SLC35A3: variants seen among roughly 807,000 people sequenced by gnomAD.
SLC35A3 encodes the protein UDP-N-acetylglucosamine transporter.
A neutral mutation model predicts 39.0 loss-of-function variants in SLC35A3; 26 were observed. That is an observed-to-expected ratio of 0.67 (90% CI 0.49 to 0.92). SLC35A3 has a LOEUF of 0.92. SLC35A3 is among the 40% of genes least tolerant of loss of function. SLC35A3 has a pLI of 0.00. For missense variants in SLC35A3, 299 were observed against 371.6 expected (o/e 0.80, Z 1.61); for synonymous variants, 135 against 133.1 (o/e 1.01, Z -0.10).
chr1:99,970,501 C>A, intron 1 of SLC35A3: 1 of 1,490,628 alleles, frequency 6.7e-7, no homozygotes, highest in Admixed American at 2.0e-5. Context: ...ACGGGTGGGC[C>A]CGGCTGGGGC....
At chr1:99,986,420 C>T (rs923974974) in intron 1 of SLC35A3, among the ~76,000 whole-genome samples, 2 of 151,800 alleles carry the variant, frequency 1.3e-5, no homozygotes, top group Admixed American at 6.6e-5. Context: ...CCTGCCCCTG[C>T]GCCTGGCCAT....
chr1:100,013,563 T>G (rs1015533023), intron 5 of SLC35A3, among the ~76,000 whole-genome samples: 17 of 151,926 alleles, frequency 1.1e-4, no homozygotes, highest in South Asian at 2.1e-4. Flanking sequence ...CAGTGAGTTG[T>G]GATTGTGCCT....
intron 6 of SLC35A3, among the ~76,000 whole-genome samples, chr1:100,017,121 A>G (rs1177889411): frequency 6.6e-6 from 1 of 152,236 alleles, no homozygotes; most frequent in East Asian, 1.9e-4. Context: ...TCATTATTAA[A>G]GTAGCCACAA....
At chr1:100,022,292 A>C (rs1379350992) in intron 7 of SLC35A3, 94 bp from the exon 8 acceptor site, 1 of 628,230 alleles carries the variant, frequency 1.6e-6, no homozygotes, top group East Asian at 2.9e-5. Context: ...ATTTTTCCCC[A>C]CATTATAATT....
At chr1:100,004,259 T>C (rs1030946449) in intron 3 of SLC35A3, among the ~76,000 whole-genome samples, 5 of 152,232 alleles carry the variant, frequency 3.3e-5, no homozygotes, top group South Asian at 2.1e-4. Flanking sequence ...TCTTGTGTTT[T>C]TATCATGGTA....
At chr1:99,978,407 G>A (rs1657250653) in intron 1 of SLC35A3, among the ~76,000 whole-genome samples, 1 of 152,138 alleles carries the variant, frequency 6.6e-6, no homozygotes, top group Non-Finnish European at 1.5e-5. Context: ...CATGCCTGTG[G>A]TTGCAGCTAC....
Position 100,024,775 on chromosome 1 carries a change from G to A in SLC35A3, c.*2299G>A, listed in dbSNP as rs190668162. On this transcript the variant is annotated 3_prime_UTR_variant, in exon 8 of 8. Transcript: ENST00000533028. Reference sequence around the variant, plus strand: ...TGGGATTGCAGGCGTGAGCCACTGCGCCCGGCCTATACTGTATATATTTTT... The same window carrying A: ...TGGGATTGCAGGCGTGAGCCACTGCACCCGGCCTATACTGTATATATTTTT... 6 of 396,078 alleles carry A rather than the reference G, an allele frequency of 1.5e-5. No homozygotes were observed. Among genetic ancestry groups the A allele is most frequent in the Admixed American group, 4.4e-5 (1 of 22,638 alleles). 24.5% of individuals were successfully genotyped at this position (396,078 alleles called of 1,614,324 possible).
intron 1 of SLC35A3, among the ~76,000 whole-genome samples, chr1:99,975,594 A>T (rs1657063495): frequency 6.6e-6 from 1 of 152,224 alleles, no homozygotes; most frequent in African/African-American, 2.4e-5. Context: ...CAAATAGAGA[A>T]GGGAGAAGAG....
intron 1 of SLC35A3, among the ~76,000 whole-genome samples, chr1:99,986,871 A>G (rs2101088009): frequency 6.6e-6 from 1 of 152,340 alleles, no homozygotes; most frequent in East Asian, 1.9e-4. Flanking sequence ...TACAAGCCTG[A>G]GCCACCACGC....
In SLC35A3 at chr1:99,990,035, G is replaced by A. The variant is rs377421583; in HGVS notation, c.-18-3502G>A. Among the ~76,000 whole-genome samples, 32 of 152,274 alleles carry A rather than the reference G, an allele frequency of 2.1e-4. No homozygotes were observed. The South Asian group carries it at 5.6e-3, about 27-fold the overall frequency. On this transcript the variant is annotated intron_variant, in intron 1 of 7. Transcript: ENST00000533028. Reference sequence around the variant, plus strand: ...GCCTCTCAAAGTGCTGGGATTACAGGTGTGAGCCACTGCACCTGGCCCGAT... The same window carrying A: ...GCCTCTCAAAGTGCTGGGATTACAGATGTGAGCCACTGCACCTGGCCCGAT...
intron 3 of SLC35A3, among the ~76,000 whole-genome samples, chr1:100,001,416 T>C (rs1014805611): frequency 6.6e-6 from 1 of 152,174 alleles, no homozygotes; most frequent in Non-Finnish European, 1.5e-5. Context: ...TAGAGATCTT[T>C]TACTTCCTTG....
intron 6 of SLC35A3, among the ~76,000 whole-genome samples, chr1:100,016,477 C>T (rs1173450460): frequency 6.7e-6 from 1 of 149,650 alleles, no homozygotes; most frequent in Non-Finnish European, 1.5e-5. Flanking sequence ...GGGTTCACGC[C>T]ATTCTCCTGC....
At chr1:100,006,503 C>T (rs191248471) in intron 3 of SLC35A3, among the ~76,000 whole-genome samples, 6 of 152,116 alleles carry the variant, frequency 3.9e-5, no homozygotes, top group African/African-American at 1.4e-4. Flanking sequence ...ATTTTCAGGC[C>T]CCAGTTTGTG....
At chr1:99,995,104 TTTTCTTTCTTTCTTTCTTTCTTTCTTTC>T (rs58899984) in intron 2 of SLC35A3, among the ~76,000 whole-genome samples, 43 of 113,472 alleles carry the variant, frequency 3.8e-4, no homozygotes, top group South Asian at 1.5e-3. Context: ...TTTTTGTGTA[TTTTCTTTCTTTCTTTCTTTCTTTCTTTC>T]TTTCTTTCTT....
At chr1:99,978,975 C>T (rs770931230) in intron 1 of SLC35A3, 1 of 152,094 alleles carries the variant, frequency 6.6e-6, no homozygotes, top group South Asian at 2.1e-4. Context: ...AAAGTTCGAA[C>T]GTTATGGAGA....
intron 2 of SLC35A3, among the ~76,000 whole-genome samples, chr1:99,997,398 TTATATATAGTTTTATATA>T (rs1444571620): frequency 4.3e-4 from 44 of 102,066 alleles, no homozygotes; most frequent in African/African-American, 1.6e-3. Flanking sequence ...GTTATATGTT[TTATATATAGTTTTATATA>T]TATATATATA....
chr1:100,005,033 A>C (rs1384794323), intron 3 of SLC35A3, among the ~76,000 whole-genome samples: 3 of 152,256 alleles, frequency 2.0e-5, no homozygotes. Flanking sequence ...CTGGGATTAC[A>C]GGCATGAGCC....
At chr1:100,020,825 A>G (rs2101485274) in intron 7 of SLC35A3, among the ~76,000 whole-genome samples, 1 of 152,330 alleles carries the variant, frequency 6.6e-6, no homozygotes, top group Middle Eastern at 3.4e-3. Context: ...AACTGTGGAC[A>G]GAGGGAATAG....
intron 2 of SLC35A3, among the ~76,000 whole-genome samples, chr1:99,995,590 G>A (rs1236310183): frequency 6.6e-6 from 1 of 152,138 alleles, no homozygotes; most frequent in East Asian, 1.9e-4. Flanking sequence ...GTGAATGGGT[G>A]CTGCAATTAA....
Sources: allele counts gnomAD v4.1 joint callset (sites outside exome capture counted in the v4.1 genomes callset), GRCh38; gene constraint gnomAD v4.1.1; transcripts MANE v1.5; gene names NCBI Gene and HGNC (gene_info 2026-07-23, HGNC 2026-07-21).